DCX: variants seen among roughly 807,000 people sequenced by gnomAD.
The protein encoded by DCX is doublecortin, also known as neuronal migration protein doublecortin.
A neutral mutation model predicts 20.9 loss-of-function variants in DCX; 4 were observed. That is an observed-to-expected ratio of 0.19 (90% CI 0.09 to 0.44). The LOEUF (loss-of-function observed/expected upper bound fraction) is 0.44. Among genes scored for constraint, DCX ranks in the 20% least tolerant of loss-of-function variants. The pLI, the probability that DCX is intolerant of heterozygous loss-of-function variation, is 0.99. For missense variants in DCX, 133 were observed against 296.9 expected (o/e 0.45, Z 4.06); for synonymous variants, 103 against 111.4 (o/e 0.92, Z 0.47).
At position 111,312,662 on chromosome X, in the gene DCX, C is replaced by T; in HGVS notation, c.1021G>A (p.Gly341Ser). 4.1e-6 allele frequency: 5 copies of T among 1,211,614 alleles called. No individual in the cohort carries two copies. Among genetic ancestry groups the T allele is most frequent in the Non-Finnish European group, 5.6e-6 (5 of 895,452 alleles). The part of the protein sequence containing the change: ...QSPISTPTSP[G>S]SLRKHKVDLY... ...AATACCTTGTGCTTCCGGAGGCTGCCAGGACTGGTGGGCGTAGAGATGGGA... is the reference window on the plus strand; with the variant it reads ...AATACCTTGTGCTTCCGGAGGCTGCTAGGACTGGTGGGCGTAGAGATGGGA... Residue 341 changes from glycine to serine, a missense_variant, in exon 6 of 7, where the codon GGC (glycine) becomes AGC (serine). Gly to Ser is a moderately conservative substitution (Grantham distance 56, BLOSUM62 0). This residue lies in a region of DCX where 68 missense variants were observed against 84.3 expected (regional missense o/e 0.81). Coordinates refer to ENST00000636035, the MANE Select transcript of DCX (RefSeq NM_001195553.2).
rs1018172169 is a variant in DCX at position 111,353,526 on chromosome X, A to G, written c.706-20373T>C. ...TGTTTTGGCAAAAAGAAAAAAAGAT[A>G]GAGAGAAATCTACTGTCTTTTTCTC... is the stretch of plus-strand genomic sequence containing the variant. On this transcript the variant is annotated intron_variant, in intron 3 of 6. Transcript: ENST00000636035. Among the ~76,000 whole-genome samples the G allele has an allele frequency of 4.5e-5, 5 of 111,920 alleles. No homozygotes were observed. The Admixed American group carries it at 4.7e-4, about 11-fold the overall frequency.
chrX:111,387,923 T>C (rs1926648974), intron 3 of DCX, among the ~76,000 whole-genome samples: 1 of 111,582 alleles, frequency 9.0e-6, no homozygotes. Context: ...CAATAGAAAG[T>C]GTGCAGTCTA....
At chrX:111,358,877 G>T (rs1276399295) in intron 3 of DCX, among the ~76,000 whole-genome samples, 1 of 111,775 alleles carries the variant, frequency 8.9e-6, no homozygotes. Flanking sequence ...AACGACCTAG[G>T]AATAAGTCTA....
At chrX:111,371,757 TG>T (rs1260388967) in intron 3 of DCX, among the ~76,000 whole-genome samples, 1 of 111,031 alleles carries the variant, frequency 9.0e-6, no homozygotes, top group Non-Finnish European at 1.9e-5. Context: ...AGCTAATTAT[TG>T]GAAGAGCCAG....
intron 1 of DCX, chrX:111,410,765 C>G: frequency 1.7e-6 from 2 of 1,208,402 alleles, no homozygotes; most frequent in Non-Finnish European, 2.2e-6. Context: ...GACAGTGGCT[C>G]CTATCAAATT....
At chrX:111,304,481 A>G (rs953708574) in intron 6 of DCX, among the ~76,000 whole-genome samples, 1 of 111,664 alleles carries the variant, frequency 9.0e-6, no homozygotes, top group Admixed American at 9.5e-5. Context: ...AACAGTCACA[A>G]CTACTGTACC....
intron 3 of DCX, among the ~76,000 whole-genome samples, chrX:111,393,180 C>T (rs752649117): frequency 3.6e-5 from 4 of 111,141 alleles, no homozygotes; most frequent in African/African-American, 1.3e-4. Flanking sequence ...TCAGAGGACT[C>T]GGCTATATGA....
At chrX:111,319,214 AG>A (rs1356930825) in intron 5 of DCX, among the ~76,000 whole-genome samples, 1 of 111,909 alleles carries the variant, frequency 8.9e-6, no homozygotes, top group Non-Finnish European at 1.9e-5. Context: ...TGCATTTTAA[AG>A]CTCCAGCTGC....
chrX:111,346,063 C>T (rs1922785103), intron 3 of DCX, among the ~76,000 whole-genome samples: 1 of 109,432 alleles, frequency 9.1e-6, no homozygotes, highest in Non-Finnish European at 1.9e-5. Flanking sequence ...CTGTTCATAT[C>T]CCTTGCCCAC....
chrX:111,342,439 A>C (rs1378711636), intron 3 of DCX, among the ~76,000 whole-genome samples: 2 of 95,725 alleles, frequency 2.1e-5, no homozygotes, highest in Non-Finnish European at 4.2e-5. Context: ...GCCTACAAAG[A>C]GACTTAGACT....
chrX:111,316,086 T>TAAATAAATAAATAA (rs1169026948), intron 5 of DCX, among the ~76,000 whole-genome samples: 2 of 50,624 alleles, frequency 4.0e-5, no homozygotes, highest in African/African-American at 1.6e-4. Context: ...TAATAAAAAA[T>TAAATAAATAAATAA]AAAAAAAAAA....
At chrX:111,400,268 C>T (rs1024313373) in intron 3 of DCX, among the ~76,000 whole-genome samples, 1 of 111,582 alleles carries the variant, frequency 9.0e-6, no homozygotes, top group African/African-American at 3.3e-5. Context: ...AGACGCCTGG[C>T]TGCATTCTTT....
chrX:111,301,809 C>T (rs2095034872), intron 6 of DCX, 66 bp from the exon 7 acceptor site: 6 of 1,035,010 alleles, frequency 5.8e-6, no homozygotes, highest in Admixed American at 2.3e-5. Flanking sequence ...GGAATGTCTG[C>T]TTTAGTTTTT....
At chrX:111,381,453 G>A (rs942474917) in intron 3 of DCX, among the ~76,000 whole-genome samples, 1 of 110,402 alleles carries the variant, frequency 9.1e-6, no homozygotes, top group Non-Finnish European at 1.9e-5. Flanking sequence ...TGTACATAAT[G>A]GTATGGGTGT....
intron 3 of DCX, among the ~76,000 whole-genome samples, chrX:111,369,578 G>T (rs1317382806): frequency 9.0e-6 from 1 of 111,703 alleles, no homozygotes; most frequent in African/African-American, 3.3e-5. Flanking sequence ...GTCCCAAAAG[G>T]GGTGTTTTCA....
chrX:111,318,760 C>T (rs1466918912), intron 5 of DCX, among the ~76,000 whole-genome samples: 1 of 110,714 alleles, frequency 9.0e-6, no homozygotes, highest in Non-Finnish European at 1.9e-5. Flanking sequence ...CACATGGACA[C>T]AAAGAGGTGA....
intron 3 of DCX, among the ~76,000 whole-genome samples, chrX:111,379,909 G>A (rs940384514): frequency 9.0e-6 from 1 of 110,981 alleles, no homozygotes; most frequent in African/African-American, 3.3e-5. Flanking sequence ...GTGTAAAGTG[G>A]TATCTCATTG....
intron 3 of DCX, among the ~76,000 whole-genome samples, chrX:111,359,187 G>C (rs762962953): frequency 2.4e-4 from 27 of 111,592 alleles, no homozygotes; most frequent in Non-Finnish European, 4.5e-4. Context: ...AAACAGGATG[G>C]TATTAGGCCA....
At chrX:111,388,666 G>A (rs138274835) in intron 3 of DCX, among the ~76,000 whole-genome samples, 7,628 of 111,858 alleles carry the variant, frequency 0.068, 291 homozygotes, top group Non-Finnish European at 0.11. Context: ...CAGAATATTT[G>A]ATCAGACTAG....
Sources: gnomAD v4.1 joint callset for allele counts (sites outside exome capture counted in the v4.1 genomes callset) on GRCh38, gnomAD v4.1.1 for gene constraint, gnomAD v4.1.1 regional missense constraint, MANE v1.5 for transcripts, NCBI Gene and HGNC (gene_info 2026-07-23, HGNC 2026-07-21) for gene names.